CDK14: variants seen among roughly 807,000 people sequenced by gnomAD.
CDK14 encodes the protein cyclin dependent kinase 14.
CDK14 carries 34 observed loss-of-function variants against 60.7 expected under a neutral mutation model. The ratio of observed to expected loss-of-function variants is 0.56; its 90% CI spans 0.43 to 0.75. The LOEUF (loss-of-function observed/expected upper bound fraction) is 0.75. Among genes scored for constraint, CDK14 ranks in the 30% least tolerant of loss-of-function variants. The probability of loss-of-function intolerance (pLI) is 0.00; values close to 1 mark genes in which losing one functional copy is unlikely to be tolerated. For missense variants in CDK14, 482 were observed against 564.1 expected, an observed-to-expected ratio of 0.85 and a Z score of 1.47; for synonymous variants, 197 against 203.7, an observed-to-expected ratio of 0.97 and a Z score of 0.28.
At chr7:90,719,701 C>T (rs1165080744) in intron 2 of CDK14, among the ~76,000 whole-genome samples, 1 of 152,104 alleles carries the variant, frequency 6.6e-6, no homozygotes, top group African/African-American at 2.4e-5. Context: ...ATTCTAGCTT[C>T]TATTGAATTT....
At chr7:91,176,954 T>C (rs1353142145) in intron 14 of CDK14, among the ~76,000 whole-genome samples, 1 of 152,094 alleles carries the variant, frequency 6.6e-6, no homozygotes, top group Non-Finnish European at 1.5e-5. Context: ...CCCTAACTCA[T>C]TTTATGAGGC....
chr7:91,096,298 G>T (rs185993104), intron 12 of CDK14, among the ~76,000 whole-genome samples: 1 of 152,082 alleles, frequency 6.6e-6, no homozygotes, highest in African/African-American at 2.4e-5. Flanking sequence ...TTCTATCTCT[G>T]ATCACTGGCT....
At position 90,733,802 on chromosome 7, in the gene CDK14, T is replaced by A. The variant is rs1030561160; in HGVS notation, c.369+6990T>A. ...CTTTTAATTGGGGCATTTGACCTAT[T>A]TACATTTTAGGTTATTGTATTGTTA... On this transcript the variant is annotated intron_variant, in intron 3 of 14. Coordinates refer to ENST00000380050, the MANE Select transcript of CDK14 (RefSeq NM_001287135.2). 4.6e-5 allele frequency among the ~76,000 whole-genome samples: 7 copies of A among 152,232 alleles called. No homozygotes were observed. In the East Asian group the frequency reaches 1.3e-3, roughly 29 times the overall value.
At chr7:90,923,765 T>C (rs1284308302) in intron 8 of CDK14, among the ~76,000 whole-genome samples, 1 of 152,230 alleles carries the variant, frequency 6.6e-6, no homozygotes, top group Non-Finnish European at 1.5e-5. Context: ...AAAAACATCA[T>C]GTGTTTCTTT....
chr7:91,140,701 G>A lies in CDK14; in HGVS notation c.*28+22493G>A, dbSNP rs895554300. Among the ~76,000 whole-genome samples the A allele has an allele frequency of 5.3e-5, 8 of 152,222 alleles. No individual in the cohort carries two copies. In the East Asian group the frequency reaches 1.5e-3, roughly 29 times the overall value. ...CCTCAGTTTTTCCATCTATAAATCAGGAGTAGGAATGGTTCCTTTCTTGTC... is the reference window on the plus strand; with the variant it reads ...CCTCAGTTTTTCCATCTATAAATCAAGAGTAGGAATGGTTCCTTTCTTGTC... On this transcript the variant is annotated intron_variant, in intron 14 of 14. Coordinates refer to ENST00000380050, the MANE Select transcript of CDK14 (RefSeq NM_001287135.2).
intron 13 of CDK14, among the ~76,000 whole-genome samples, 172 bp downstream of exon 13, chr7:91,112,853 G>A (rs1371489537): frequency 6.7e-6 from 1 of 148,482 alleles, no homozygotes; most frequent in Admixed American, 6.7e-5. Context: ...GTGTATGTGT[G>A]GAGAGAGAGA....
intron 11 of CDK14, among the ~76,000 whole-genome samples, chr7:91,071,113 G>C (rs1241552793): frequency 6.6e-6 from 1 of 152,096 alleles, no homozygotes; most frequent in Non-Finnish European, 1.5e-5. Context: ...AAGCCAAGAA[G>C]TAACAATTTG....
At chr7:90,900,901 GA>G (rs1792485409) in intron 7 of CDK14, among the ~76,000 whole-genome samples, 1 of 152,030 alleles carries the variant, frequency 6.6e-6, no homozygotes, top group African/African-American at 2.4e-5. Flanking sequence ...TTTTGTTGAT[GA>G]AAAAAAGAAA....
intron 2 of CDK14, among the ~76,000 whole-genome samples, chr7:90,647,022 A>G (rs1800485075): frequency 6.6e-6 from 1 of 152,202 alleles, no homozygotes; most frequent in African/African-American, 2.4e-5. Context: ...TGAAGCTTGC[A>G]ATCTGGAACA....
At chr7:90,635,504 G>A (rs1274300885) in intron 2 of CDK14, among the ~76,000 whole-genome samples, 1 of 152,078 alleles carries the variant, frequency 6.6e-6, no homozygotes, top group African/African-American at 2.4e-5. Context: ...TCTCTGTTTT[G>A]GTACCAGTAC....
chr7:91,145,081 C>G (rs933996758), intron 14 of CDK14, among the ~76,000 whole-genome samples: 1 of 152,102 alleles, frequency 6.6e-6, no homozygotes, highest in Non-Finnish European at 1.5e-5. Flanking sequence ...TTTCAGGTAT[C>G]AACTACTCTT....
chr7:90,724,095 C>G (rs1802548534), intron 2 of CDK14, among the ~76,000 whole-genome samples: 1 of 151,302 alleles, frequency 6.6e-6, no homozygotes, highest in South Asian at 2.1e-4. Flanking sequence ...TTTTTGACCA[C>G]AAATTCAATT....
chr7:90,965,955 A>C (rs923543716), intron 9 of CDK14, among the ~76,000 whole-genome samples: 1 of 152,096 alleles, frequency 6.6e-6, no homozygotes, highest in Non-Finnish European at 1.5e-5. Context: ...TCTTCCCTCT[A>C]TCCCTGGTAT....
chr7:90,971,653 TAAA>T (rs35135401), intron 9 of CDK14, among the ~76,000 whole-genome samples: 8 of 119,512 alleles, frequency 6.7e-5, no homozygotes, highest in Admixed American at 2.6e-4. Context: ...ATATACATAG[TAAA>T]AAAAAAAAAA....
intron 9 of CDK14, among the ~76,000 whole-genome samples, chr7:90,957,531 A>G (rs1182546197): frequency 1.3e-5 from 2 of 151,872 alleles, no homozygotes; most frequent in Non-Finnish European, 2.9e-5. Flanking sequence ...AATGTACAAA[A>G]ATCACAAGCA....
At chr7:90,902,913 A>G (rs1792563367) in intron 7 of CDK14, among the ~76,000 whole-genome samples, 1 of 152,132 alleles carries the variant, frequency 6.6e-6, no homozygotes, top group Non-Finnish European at 1.5e-5. Flanking sequence ...CAAACTCGTT[A>G]AAAAGTAGAC....
rs1330959704 is a variant in CDK14, at chr7:90,639,345, C to A, written c.123+35096C>A. 4.7e-4 allele frequency among the ~76,000 whole-genome samples: 71 copies of A among 152,020 alleles called. 2 individuals are homozygous for A. The highest frequency in any genetic ancestry group is 4.6e-3 in the Admixed American group (70 of 15,260). Reference sequence around the variant, plus strand: ...TTCTGTTTGTTAGTTTTCCTTCTAACAGACAGGACCCTCAGCTGCAGGTCT... The same window carrying A: ...TTCTGTTTGTTAGTTTTCCTTCTAAAAGACAGGACCCTCAGCTGCAGGTCT... On this transcript the variant is annotated intron_variant, in intron 2 of 14. Transcript: ENST00000380050.
chr7:90,984,709 C>CA (rs1442030137), intron 10 of CDK14, among the ~76,000 whole-genome samples: 1 of 152,204 alleles, frequency 6.6e-6, no homozygotes, highest in Non-Finnish European at 1.5e-5. Flanking sequence ...AGGCTATCAT[C>CA]ATCAAAGATA....
intron 6 of CDK14, among the ~76,000 whole-genome samples, chr7:90,874,545 G>A (rs1337058300): frequency 2.9e-5 from 2 of 67,940 alleles, no homozygotes; most frequent in Admixed American, 2.8e-4. Context: ...TTTTTGAGAC[G>A]GAGTCTCGCT....
Sources: gnomAD v4.1 joint callset for allele counts (sites outside exome capture counted in the v4.1 genomes callset) on GRCh38, gnomAD v4.1.1 for gene constraint, MANE v1.5 for transcripts, NCBI Gene and HGNC (gene_info 2026-07-23, HGNC 2026-07-21) for gene names.